Variants in LRRC4C observed in about 807,000 individuals in gnomAD.
The protein encoded by LRRC4C is leucine rich repeat containing 4C.
LRRC4C carries 5 observed loss-of-function variants against 33.6 expected under a neutral mutation model. The observed-to-expected ratio is 0.15, with a 90% CI of 0.08 to 0.31. The LOEUF (loss-of-function observed/expected upper bound fraction) is 0.31. Among genes scored for constraint, LRRC4C ranks in the 10% least tolerant of loss-of-function variants. The probability of loss-of-function intolerance (pLI) is 1.00; values close to 1 mark genes in which losing one functional copy is unlikely to be tolerated. For missense variants in LRRC4C, 560 were observed against 796.7 expected, an observed-to-expected ratio of 0.70 and a Z score of 3.58; for synonymous variants, 329 against 302.0, an observed-to-expected ratio of 1.09 and a Z score of -0.93.
At chr11:40,950,354 A>G (rs1193051731) in intron 1 of LRRC4C, among the ~76,000 whole-genome samples, 2 of 152,148 alleles carry the variant, frequency 1.3e-5, no homozygotes, top group Admixed American at 6.6e-5. Flanking sequence ...GCTCTCTGCT[A>G]TTAGAAAACC....
chr11:40,267,896 T>C (rs191763158), intron 4 of LRRC4C, among the ~76,000 whole-genome samples: 34 of 152,272 alleles, frequency 2.2e-4, no homozygotes, highest in African/African-American at 7.0e-4. Flanking sequence ...TACAGGAACA[T>C]ATTTAACTTC....
intron 3 of LRRC4C, among the ~76,000 whole-genome samples, chr11:40,595,398 C>CTACA (rs1195460842): frequency 2.0e-5 from 3 of 152,052 alleles, no homozygotes; most frequent in Non-Finnish European, 4.4e-5. Flanking sequence ...ACCCTAAGAA[C>CTACA]TACAACATGA....
intron 1 of LRRC4C, among the ~76,000 whole-genome samples, chr11:40,939,147 C>A (rs181792963): frequency 6.6e-6 from 1 of 152,230 alleles, no homozygotes; most frequent in East Asian, 1.9e-4. Context: ...GATTTCTTGG[C>A]TATGGTGTAA....
At chr11:40,126,897 T>A (rs1269725512) in intron 6 of LRRC4C, among the ~76,000 whole-genome samples, 2 of 151,022 alleles carry the variant, frequency 1.3e-5, no homozygotes, top group East Asian at 3.9e-4. Context: ...GAGGTGGAGG[T>A]TGCAGTGAGC....
rs72886548 is a variant in LRRC4C at position 40,986,075 on chromosome 11, T to C, written c.-495-52352A>G. Among the ~76,000 whole-genome samples, 569 of 152,300 alleles carry C rather than the reference T, an allele frequency of 3.7e-3. 3 individuals carry two copies. Among genetic ancestry groups the C allele is most frequent in the Non-Finnish European group, 6.3e-3 (430 of 68,020 alleles). On this transcript the variant is annotated intron_variant, in intron 1 of 6. Coordinates refer to ENST00000528697, the MANE Select transcript of LRRC4C (RefSeq NM_001258419.2). ...AAAACTAGTGAATCTAGTTAAACTA[T>C]ATATGAAAGTTTTCCACATTATATT...
chr11:40,688,518 G>T (rs1945068993), intron 2 of LRRC4C, among the ~76,000 whole-genome samples: 1 of 152,030 alleles, frequency 6.6e-6, no homozygotes, highest in South Asian at 2.1e-4. Context: ...AAAGCCTTGG[G>T]CTCTCATACA....
intron 2 of LRRC4C, among the ~76,000 whole-genome samples, chr11:40,667,181 G>A (rs78787251): frequency 1.3e-5 from 2 of 152,278 alleles, no homozygotes; most frequent in East Asian, 1.9e-4. Context: ...TTTTACACAA[G>A]TAACTTTACC....
chr11:40,777,503 T>G (rs1428281672), intron 2 of LRRC4C, among the ~76,000 whole-genome samples: 16 of 101,066 alleles, frequency 1.6e-4, no homozygotes, highest in Admixed American at 1.5e-3. Context: ...TTTACTGTTT[T>G]TTTTTTTTTT....
intron 2 of LRRC4C, among the ~76,000 whole-genome samples, chr11:40,745,788 C>T (rs1948388118): frequency 6.6e-6 from 1 of 152,118 alleles, no homozygotes; most frequent in African/African-American, 2.4e-5. Context: ...CTGACTCACT[C>T]TCAGTTAAAC....
At chr11:41,397,845 A>G (rs1052502814) in intron 1 of LRRC4C, among the ~76,000 whole-genome samples, 1 of 151,946 alleles carries the variant, frequency 6.6e-6, no homozygotes, top group Non-Finnish European at 1.5e-5. Context: ...AGAGATCCAA[A>G]CCAGTAGAGA....
At chr11:41,425,119 C>T (rs1276451771) in intron 1 of LRRC4C, among the ~76,000 whole-genome samples, 4 of 152,034 alleles carry the variant, frequency 2.6e-5, no homozygotes, top group Non-Finnish European at 4.4e-5. Context: ...TAAATCCTCA[C>T]TTTTCCCAGG....
At chr11:40,604,874 A>T (rs996990214) in intron 3 of LRRC4C, among the ~76,000 whole-genome samples, 1 of 152,108 alleles carries the variant, frequency 6.6e-6, no homozygotes, top group African/African-American at 2.4e-5. Context: ...GGAGGAATGG[A>T]GGTTAAACTA....
chr11:41,196,532 G>T (rs138761735), intron 1 of LRRC4C, among the ~76,000 whole-genome samples: 5 of 152,062 alleles, frequency 3.3e-5, no homozygotes, highest in Non-Finnish European at 5.9e-5. Context: ...AAATAGAAGA[G>T]GAATAAATAC....
intron 1 of LRRC4C, among the ~76,000 whole-genome samples, chr11:41,150,440 GA>G (rs1206649314): frequency 6.6e-6 from 1 of 152,112 alleles, no homozygotes; most frequent in African/African-American, 2.4e-5. Flanking sequence ...AAATATCTCC[GA>G]TTTTTGCTTG....
chr11:41,094,252 T>C (rs1310391942), intron 1 of LRRC4C, among the ~76,000 whole-genome samples: 2 of 152,008 alleles, frequency 1.3e-5, no homozygotes, highest in Non-Finnish European at 2.9e-5. Flanking sequence ...CTGTTAGCTG[T>C]GACTAGAATG....
In LRRC4C at chr11:40,114,499, A is replaced by G. The variant is rs768732294; in HGVS notation, c.1794T>C (p.Tyr598=). 6.7e-5 allele frequency: 108 copies of G among 1,614,032 alleles called. No homozygotes were observed. The highest frequency in any genetic ancestry group is 8.6e-5 in the Non-Finnish European group (101 of 1,180,030). ...PAIEHEHLNH[Y]NSYKSPFNHT... ...GGTTGAAGGGAGATTTGTATGAGTTATAGTGATTTAGGTGCTCATGCTCGA... is the reference window on the plus strand; with the variant it reads ...GGTTGAAGGGAGATTTGTATGAGTTGTAGTGATTTAGGTGCTCATGCTCGA... The change falls in exon 7 of 7, where the codon TAT becomes TAC. Residue 598 remains tyrosine (Y), a synonymous_variant. Coordinates refer to ENST00000528697, the MANE Select transcript of LRRC4C (RefSeq NM_001258419.2).
chr11:41,037,075 A>G (rs1857122976), intron 1 of LRRC4C, among the ~76,000 whole-genome samples: 1 of 152,202 alleles, frequency 6.6e-6, no homozygotes, highest in Non-Finnish European at 1.5e-5. Context: ...TTTTTGATCC[A>G]TTTAAAAGTT....
intron 1 of LRRC4C, among the ~76,000 whole-genome samples, chr11:41,181,910 CTCTT>C (rs1945468260): frequency 6.6e-6 from 1 of 152,120 alleles, no homozygotes; most frequent in African/African-American, 2.4e-5. Context: ...GAAAAAAAGA[CTCTT>C]TACTTAAATT....
intron 1 of LRRC4C, among the ~76,000 whole-genome samples, chr11:41,274,237 TAGA>T (rs1949409458): frequency 6.6e-6 from 1 of 152,082 alleles, no homozygotes; most frequent in Non-Finnish European, 1.5e-5. Context: ...TCATTTCACG[TAGA>T]AGGAAACCCA....
Sources: gnomAD v4.1 joint callset for allele counts (sites outside exome capture counted in the v4.1 genomes callset) on GRCh38, gnomAD v4.1.1 for gene constraint, MANE v1.5 for transcripts, NCBI Gene and HGNC (gene_info 2026-07-23, HGNC 2026-07-21) for gene names.